COX19: variants seen among roughly 807,000 people sequenced by gnomAD.
COX19 encodes the protein cytochrome c oxidase assembly protein COX19.
Under a neutral mutation model 6.8 loss-of-function variants are expected in COX19, and 8 were observed. The ratio of observed to expected loss-of-function variants is 1.18; its 90% CI spans 0.69 to 2.12. The LOEUF (loss-of-function observed/expected upper bound fraction) is 2.12. Among genes scored for constraint, COX19 ranks in the 30% most tolerant of loss-of-function variants. The pLI is 0.00. For missense variants in COX19, 131 were observed against 104.6 expected, an observed-to-expected ratio of 1.25 and a Z score of -1.10; for synonymous variants, 51 against 38.0, an observed-to-expected ratio of 1.34 and a Z score of -1.26.
In COX19 at chr7:973,207, T is replaced by C. The variant is rs1373848298; in HGVS notation, c.168A>G (p.Lys56=). ...TCTCCATCCTGCATTCTAAATATTC[T>C]TTTGATTCCTTTCTGCACAAAGCAT... ...FENALCRKES[K]EYLECRMERK... Residue 56 remains lysine (K), a synonymous_variant, in exon 2 of 3, where the codon AAA becomes AAG. Transcript: ENST00000344111. 1 of 1,602,016 alleles carries C rather than the reference T, an allele frequency of 6.2e-7. No individual in the cohort carries two copies. Among genetic ancestry groups the C allele is most frequent in the Non-Finnish European group, 8.5e-7 (1 of 1,174,854 alleles).
rs1847584583 is a variant in COX19 at position 968,059 on chromosome 7, G to C, written c.*1319C>G. 6.6e-6 allele frequency: 1 copy of C among 152,302 alleles called. No homozygotes were observed. Among genetic ancestry groups the C allele is most frequent in the African/African-American group, 2.4e-5 (1 of 41,470 alleles). 9.4% of individuals were successfully genotyped at this position (152,302 alleles called of 1,614,324 possible). On this transcript the variant is annotated 3_prime_UTR_variant, in exon 3 of 3. Coordinates refer to ENST00000344111, the MANE Select transcript of COX19 (RefSeq NM_001031617.3). ...ATACGTCTGCAGCACTCAGAGGCCT[G>C]ACAGAGAGCAGACACGGGACAGTGA...
At chr7:974,205 A>T (rs1264677922) in intron 1 of COX19, among the ~76,000 whole-genome samples, 4 of 151,102 alleles carry the variant, frequency 2.6e-5, no homozygotes, top group African/African-American at 9.7e-5. Context: ...TCAAAAATAA[A>T]TAAATAAATA....
chr7:969,513 C>CTGCAAGGGCCCCT, intron 2 of COX19, 57 bp from the exon 3 acceptor site: 1 of 1,103,414 alleles, frequency 9.1e-7, no homozygotes, highest in Non-Finnish European at 1.4e-6. Context: ...CAAGAGGGGC[C>CTGCAAGGGCCCCT]CTTGCAGGCC....
Position 969,441 on chromosome 7 carries a change from T to C in COX19, c.210A>G (p.Gln70=). The change falls in exon 3 of 3, where the codon CAA becomes CAG. Residue 70 remains glutamine (Q), a synonymous_variant. Transcript: ENST00000344111. ...ECRMERKLML[Q]EPLEKLGFGD... ...CAAATCCCAGTTTCTCCAATGGTTC[T>C]TGTAGCATCAATTTTCTAAAAGAAA... is the stretch of plus-strand genomic sequence containing the variant. 6.2e-7 allele frequency: 1 copy of C among 1,608,456 alleles called. No homozygotes were observed. The highest frequency in any genetic ancestry group is 1.1e-5 in the South Asian group (1 of 90,944).
In COX19 at chr7:967,901, G is replaced by A. The variant is rs3735676; in HGVS notation, c.*1477C>T. ...CACACCGCGTCAGCGCCGACTCCAC[G>A]GTGGCTGCGTCACGGCTCACGTGCA... is the stretch of plus-strand genomic sequence containing the variant. On this transcript the variant is annotated 3_prime_UTR_variant, in exon 3 of 3. Coordinates refer to ENST00000344111, the MANE Select transcript of COX19 (RefSeq NM_001031617.3). 6.6e-5 allele frequency: 10 copies of A among 152,298 alleles called. No individual in the cohort carries two copies. In the East Asian group the frequency reaches 7.7e-4, roughly 12 times the overall value. The allele number at this position is 152,298 out of a possible 1,614,324, so 9.4% of individuals were successfully genotyped here.
At position 966,995 on chromosome 7, in the gene COX19, T is replaced by A. The variant is rs1358204194; in HGVS notation, c.*2383A>T. Reference sequence around the variant, plus strand: ...GAATGGCCCCAGAACAGGACAGTGGTGATGCTGGCGACTCAGACACACCAG... The same window carrying A: ...GAATGGCCCCAGAACAGGACAGTGGAGATGCTGGCGACTCAGACACACCAG... On this transcript the variant is annotated 3_prime_UTR_variant, in exon 3 of 3. Coordinates refer to ENST00000344111, the MANE Select transcript of COX19 (RefSeq NM_001031617.3). 6.6e-6 allele frequency: 1 copy of A among 152,170 alleles called. No individual in the cohort carries two copies. The highest frequency in any genetic ancestry group is 1.5e-5 in the Non-Finnish European group (1 of 68,038). 9.4% of individuals were successfully genotyped at this position (152,170 alleles called of 1,614,324 possible).
In COX19 at chr7:969,290, C is replaced by T. The variant is rs56227150; in HGVS notation, c.*88G>A. The T allele has an allele frequency of 0.02, 16,601 of 832,166 alleles. 241 individuals carry two copies. Among genetic ancestry groups the T allele is most frequent in the Non-Finnish European group, 0.028 (13,417 of 478,980 alleles). The allele number at this position is 832,166 out of a possible 1,614,324, so 51.5% of individuals were successfully genotyped here. A position where few individuals can be genotyped will look rare whatever the true frequency, so the allele number is the denominator to read the frequency against. ...GAAGCCCATTTCTAAGGACACCACA[C>T]GCAGGCCTCAGCCAACCTAAGAGGC... is the stretch of plus-strand genomic sequence containing the variant. On this transcript the variant is annotated 3_prime_UTR_variant, in exon 3 of 3. Coordinates refer to ENST00000344111, the MANE Select transcript of COX19 (RefSeq NM_001031617.3).
In COX19 at chr7:967,307, C is replaced by T. The variant is rs1344506317; in HGVS notation, c.*2071G>A. 2 of 152,204 alleles carry T rather than the reference C, an allele frequency of 1.3e-5. No individual in the cohort carries two copies. The highest frequency in any genetic ancestry group is 2.9e-5 in the Non-Finnish European group (2 of 68,044). 9.4% of individuals were successfully genotyped at this position (152,204 alleles called of 1,614,324 possible). A position where few individuals can be genotyped will look rare whatever the true frequency, so the allele number is the denominator to read the frequency against. On this transcript the variant is annotated 3_prime_UTR_variant, in exon 3 of 3. Coordinates refer to ENST00000344111, the MANE Select transcript of COX19 (RefSeq NM_001031617.3). ...CCTGGCCAGGTGAGGGCGATCACTC[C>T]GTTTCTCTATCCAGTTACCTTTGTA...
intron 2 of COX19, among the ~76,000 whole-genome samples, chr7:972,285 G>A (rs1847646626): frequency 2.6e-5 from 4 of 152,198 alleles, no homozygotes; most frequent in East Asian, 1.9e-4. Context: ...AAGGCAGAAC[G>A]TGGCCTCACT....
At position 972,143 on chromosome 7, in the gene COX19, A is replaced by G. The variant is rs187942921; in HGVS notation, c.194+1038T>C. Among the ~76,000 whole-genome samples, 282 of 152,306 alleles carry G rather than the reference A, an allele frequency of 1.9e-3. 2 individuals are homozygous for G. Among genetic ancestry groups the G allele is most frequent in the African/African-American group, 6.4e-3 (268 of 41,552 alleles). On this transcript the variant is annotated intron_variant, in intron 2 of 2. Transcript: ENST00000344111. Reference sequence around the variant, plus strand: ...CTCAGTTCCAGTTTTCTAAAGATGCATTAATTTAAGACTAATTTAAACACG... The same window carrying G: ...CTCAGTTCCAGTTTTCTAAAGATGCGTTAATTTAAGACTAATTTAAACACG...
At position 970,755 on chromosome 7, in the gene COX19, T is replaced by A. The variant is rs1372028974; in HGVS notation, c.195-1299A>T. ...CAGCCAGCTAATTTTTAAAGAAATT[T>A]TTTGTAGATATAGGGTTTCACTATG... On this transcript the variant is annotated intron_variant, in intron 2 of 2. Coordinates refer to ENST00000344111, the MANE Select transcript of COX19 (RefSeq NM_001031617.3). Among the ~76,000 whole-genome samples the A allele has an allele frequency of 5.9e-5, 9 of 152,176 alleles. No homozygotes were observed. The South Asian group carries it at 1.7e-3, about 28-fold the overall frequency.
rs982635748 is a variant in COX19, at chr7:966,788, G to C, written c.*2590C>G. 1 of 152,174 alleles carries C rather than the reference G, an allele frequency of 6.6e-6. No individual in the cohort carries two copies. Among genetic ancestry groups the C allele is most frequent in the African/African-American group, 2.4e-5 (1 of 41,426 alleles). The allele number at this position is 152,174 out of a possible 1,614,324, so 9.4% of individuals were successfully genotyped here. A position where few individuals can be genotyped will look rare whatever the true frequency, so the allele number is the denominator to read the frequency against. On this transcript the variant is annotated 3_prime_UTR_variant, in exon 3 of 3. Transcript: ENST00000344111. ...AAAATTCCAGAAATAAACCATTCAT[G>C]AGTTTTTGATTCTGTGCTGTTCTGA...
rs1583202459 is a variant in COX19 at position 969,315 on chromosome 7, C to G, written c.*63G>C. On this transcript the variant is annotated 3_prime_UTR_variant, in exon 3 of 3. Transcript: ENST00000344111. ...CGCAGGCCTCAGCCAACCTAAGAGG[C>G]AGGATGATGCCCTCCGTCCTGAGAG... 7 of 1,031,744 alleles carry G rather than the reference C, an allele frequency of 6.8e-6. No individual in the cohort carries two copies. In the Admixed American group the frequency reaches 1.0e-4, roughly 15 times the overall value. 63.9% of individuals were successfully genotyped at this position (1,031,744 alleles called of 1,614,324 possible). A position where few individuals can be genotyped will look rare whatever the true frequency, so the allele number is the denominator to read the frequency against.
At position 975,531 on chromosome 7, in the gene COX19, G is replaced by A. The variant is rs1273029178; in HGVS notation, c.-22C>T. On this transcript the variant is annotated 5_prime_UTR_variant, in exon 1 of 3. Transcript: ENST00000344111. ...ACATGTTGGCGACTCCGGAGTCTGC[G>A]AGCGCCTTGCGAGCGTACGCAGGGC... is the stretch of plus-strand genomic sequence containing the variant. 3 of 1,592,400 alleles carry A rather than the reference G, an allele frequency of 1.9e-6. No homozygotes were observed. Among genetic ancestry groups the A allele is most frequent in the Middle Eastern group, 1.7e-4 (1 of 5,986 alleles).
chr7:973,370 C>A (rs1402072298), intron 1 of COX19, 78 bp from the exon 2 acceptor site: 6 of 1,438,562 alleles, frequency 4.2e-6, no homozygotes, highest in Middle Eastern at 1.8e-4. Flanking sequence ...AAGAGCTGCG[C>A]TGCTTTTCCT....
Position 969,450 on chromosome 7 carries a change from C to G in COX19, c.201G>C (p.Leu67Phe), listed in dbSNP as rs750644198. 1 of 1,604,354 alleles carries G rather than the reference C, an allele frequency of 6.2e-7. No homozygotes were observed. Among genetic ancestry groups the G allele is most frequent in the African/African-American group, 1.3e-5 (1 of 74,916 alleles). ...GTTTCTCCAATGGTTCTTGTAGCAT[C>G]AATTTTCTAAAAGAAAAAGAGAAAG... ...EYLECRMERK[L>F]MLQEPLEKLG... Residue 67 changes from leucine to phenylalanine, a missense_variant, in exon 3 of 3, where the codon TTG becomes TTC. Transcript: ENST00000344111.
At chr7:972,403 T>C (rs968431174) in intron 2 of COX19, among the ~76,000 whole-genome samples, 2 of 152,176 alleles carry the variant, frequency 1.3e-5, no homozygotes, top group African/African-American at 4.8e-5. Flanking sequence ...ATTTTTGCCT[T>C]GAGGGAAATG....
chr7:969,127 C>T lies in COX19; in HGVS notation c.*251G>A. On this transcript the variant is annotated 3_prime_UTR_variant, in exon 3 of 3. Transcript: ENST00000344111. ...CCCGGCCTCGAAGACAAGGGTCTTG[C>T]CCCACGCTCGCCTCCCTCCCAGCTT... The T allele has an allele frequency of 4.4e-6, 2 of 459,136 alleles. No individual in the cohort carries two copies. The highest frequency in any genetic ancestry group is 7.8e-6 in the Non-Finnish European group (2 of 257,108). The allele number at this position is 459,136 out of a possible 1,614,324, so 28.4% of individuals were successfully genotyped here.
In COX19 at chr7:965,149, C is replaced by G. The variant is rs575799648; in HGVS notation, c.*4229G>C. On this transcript the variant is annotated 3_prime_UTR_variant, in exon 3 of 3. Transcript: ENST00000344111. ...CTGTGACCTGCTGAAACCATTCATGCCGGCATCATGCCTATTGGAAACTCT... is the reference window on the plus strand; with the variant it reads ...CTGTGACCTGCTGAAACCATTCATGGCGGCATCATGCCTATTGGAAACTCT... Among the ~76,000 whole-genome samples the G allele has an allele frequency of 2.0e-5, 3 of 152,252 alleles. No homozygotes were observed. In the South Asian group the frequency reaches 6.2e-4, roughly 32 times the overall value.
Sources: gnomAD v4.1 joint callset for allele counts (sites outside exome capture counted in the v4.1 genomes callset) on GRCh38, gnomAD v4.1.1 for gene constraint, MANE v1.5 for transcripts, NCBI Gene and HGNC (gene_info 2026-07-23, HGNC 2026-07-21) for gene names.